The following TTC7A variants were observed in gnomAD, a reference collection of about 807,000 sequenced individuals.
The protein encoded by TTC7A is tetratricopeptide repeat protein 7A.
Under a neutral mutation model 103.7 loss-of-function variants are expected in TTC7A, and 110 were observed. That is an observed-to-expected ratio of 1.06 (90% CI 0.91 to 1.24). The LOEUF (loss-of-function observed/expected upper bound fraction) is 1.24, where lower values mean the gene tolerates loss of function less well. Ranked by LOEUF, TTC7A falls within the 50% of genes most tolerant of loss-of-function variation. The probability of loss-of-function intolerance (pLI) is 0.00; values close to 1 mark genes in which losing one functional copy is unlikely to be tolerated. For synonymous variants in TTC7A, 521 were observed against 467.9 expected (o/e 1.11, Z -1.47); for missense variants, 1,340 against 1,116.3 (o/e 1.20, Z -2.86).
chr2:46,917,777 T>C (rs1317619906), intron 2 of TTC7A, among the ~76,000 whole-genome samples: 3 of 152,206 alleles, frequency 2.0e-5, no homozygotes, highest in African/African-American at 7.2e-5. Flanking sequence ...CTTGTTTTTA[T>C]TTTACTTGCC....
chr2:47,027,590 G>C (rs528737794), intron 14 of TTC7A, among the ~76,000 whole-genome samples: 28 of 152,386 alleles, frequency 1.8e-4, no homozygotes, highest in Admixed American at 1.1e-3. Context: ...ACAAAGGTGA[G>C]TGAGCGGCAG....
chr2:46,991,107 G>T (rs959878331), intron 5 of TTC7A, among the ~76,000 whole-genome samples: 1 of 152,150 alleles, frequency 6.6e-6, no homozygotes, highest in South Asian at 2.1e-4. Context: ...GTAGAGATGG[G>T]ATTTTACCAT....
At chr2:46,957,339 A>G (rs1671964506) in intron 3 of TTC7A, among the ~76,000 whole-genome samples, 1 of 152,268 alleles carries the variant, frequency 6.6e-6, no homozygotes, top group African/African-American at 2.4e-5. Context: ...CAGGGTTACC[A>G]TGACCAAGAG....
rs199554702 is a variant in TTC7A, at chr2:47,051,851, C to T, written c.2123C>T (p.Thr708Ile). 7.4e-6 allele frequency: 12 copies of T among 1,611,704 alleles called. No individual in the cohort carries two copies. The African/African-American group carries it at 1.6e-4, about 22-fold the overall frequency. The change falls in exon 18 of 20, where the codon ACC becomes ATC. Residue 708 changes from threonine (T) to isoleucine (I), a missense_variant. By Grantham distance (89) the Thr-to-Ile change is moderately conservative. Coordinates refer to ENST00000319190, the MANE Select transcript of TTC7A (RefSeq NM_020458.4). ...VLKQGPMQLW[T>I]TLEQIWLQAA... is the part of the protein sequence containing the mutation. ...AAGCAGGGCCCCATGCAGCTGTGGA[C>T]CACGCTGGAACAGATCTGGCTGCAG...
Position 46,950,519 on chromosome 2 carries a change from G to A in TTC7A, c.341G>A (p.Arg114Lys). The change falls in exon 2 of 20, where the codon AGG becomes AAG. Residue 114 changes from arginine to lysine, a missense_variant. Transcript: ENST00000319190. ...CTAAGCAGTATCCTTAACCATGGGA[G>A]GCTCTCGGTAAGTCGTCAGCCTTCA... ...NYLSSILNHG[R>K]LSPQYMCEAM... is the part of the protein sequence containing the mutation. The A allele has an allele frequency of 6.2e-7, 1 of 1,614,114 alleles. No homozygotes were observed. Among genetic ancestry groups the A allele is most frequent in the Non-Finnish European group, 8.5e-7 (1 of 1,180,004 alleles).
intron 18 of TTC7A, among the ~76,000 whole-genome samples, chr2:47,058,282 T>C (rs574595473): frequency 2.6e-5 from 4 of 152,326 alleles, no homozygotes; most frequent in East Asian, 1.9e-4. Context: ...TCCCAAGTTC[T>C]CATCTCCACT....
chr2:47,021,697 T>C (rs1191345848), intron 11 of TTC7A, among the ~76,000 whole-genome samples, 165 bp from the exon 12 acceptor site: 2 of 152,190 alleles, frequency 1.3e-5, no homozygotes, highest in African/African-American at 4.8e-5. Context: ...AGAACAAAAT[T>C]TGGGGAGCTG....
At chr2:46,922,986 T>C (rs183184058) in intron 2 of TTC7A, among the ~76,000 whole-genome samples, 4 of 152,286 alleles carry the variant, frequency 2.6e-5, no homozygotes, top group Admixed American at 2.0e-4. Context: ...TACAGTTTAT[T>C]ACAAAGGCTA....
At chr2:47,024,139 T>A (rs1446444173) in intron 13 of TTC7A, 148 bp from the exon 14 acceptor site, 1 of 628,918 alleles carries the variant, frequency 1.6e-6, no homozygotes, top group Non-Finnish European at 2.5e-6. Flanking sequence ...ATCTGCCAGC[T>A]GGATGCCCCT....
intron 1 of TTC7A, among the ~76,000 whole-genome samples, chr2:46,942,545 G>A (rs1214807684): frequency 2.0e-5 from 3 of 152,222 alleles, no homozygotes; most frequent in Non-Finnish European, 2.9e-5. Context: ...GATCGTGATA[G>A]TAATAGTAAT....
intron 17 of TTC7A, 88 bp downstream of exon 17, chr2:47,050,134 CCCTCT>C: frequency 8.6e-7 from 1 of 1,168,928 alleles, no homozygotes; most frequent in Non-Finnish European, 1.3e-6. Flanking sequence ...AGGGGCCGGG[CCCTCT>C]CCCAGCCGGG....
chr2:46,967,161 T>C (rs1171430306), intron 3 of TTC7A, among the ~76,000 whole-genome samples: 3 of 152,032 alleles, frequency 2.0e-5, no homozygotes, highest in Non-Finnish European at 1.5e-5. Context: ...TGCCGTGAGC[T>C]GAGATTGTGC....
chr2:46,938,432 C>T (rs920446426), upstream of TTC7A, among the ~76,000 whole-genome samples: 1 of 152,098 alleles, frequency 6.6e-6, no homozygotes, highest in Non-Finnish European at 1.5e-5. Context: ...AAACCTGTGC[C>T]TCGGACCTTC....
chr2:46,937,588 A>G (rs948681648), upstream of TTC7A, among the ~76,000 whole-genome samples: 3 of 152,136 alleles, frequency 2.0e-5, no homozygotes, highest in Non-Finnish European at 4.4e-5. The surrounding 1 kb of genome is among the most constrained non-coding windows in gnomAD (Gnocchi z 4.0). Flanking sequence ...CAGAATGGAA[A>G]ACCCCCCAAT....
At chr2:47,003,052 C>A (rs1003458104) in intron 8 of TTC7A, among the ~76,000 whole-genome samples, 1 of 152,168 alleles carries the variant, frequency 6.6e-6, no homozygotes, top group Non-Finnish European at 1.5e-5. Flanking sequence ...CTAATTAACG[C>A]CCGGTTCTGA....
chr2:46,957,548 C>T (rs1671983029), intron 3 of TTC7A, among the ~76,000 whole-genome samples: 1 of 152,202 alleles, frequency 6.6e-6, no homozygotes, highest in Non-Finnish European at 1.5e-5. Context: ...ATGAACAGGT[C>T]AGAACCAGTT....
intron 1 of TTC7A, among the ~76,000 whole-genome samples, chr2:46,945,386 G>C (rs1165972718): frequency 6.6e-6 from 1 of 152,164 alleles, no homozygotes; most frequent in African/African-American, 2.4e-5. Flanking sequence ...CCAAGTAGCT[G>C]GGACTACAGG....
chr2:47,016,153 A>C (rs1678635494), intron 11 of TTC7A, among the ~76,000 whole-genome samples: 1 of 152,206 alleles, frequency 6.6e-6, no homozygotes, highest in Admixed American at 6.5e-5. Context: ...GTAGGGACCA[A>C]ATTCGAAACA....
intron 3 of TTC7A, among the ~76,000 whole-genome samples, chr2:46,957,592 G>A (rs891783451): frequency 2.0e-5 from 3 of 152,232 alleles, no homozygotes; most frequent in African/African-American, 7.2e-5. Flanking sequence ...AGGGTCAAGG[G>A]GTGCTCTGGA....
Sources: allele counts gnomAD v4.1 joint callset (sites outside exome capture counted in the v4.1 genomes callset), GRCh38; gene constraint gnomAD v4.1.1; non-coding constraint Gnocchi (gnomAD v3.1); transcripts MANE v1.5; gene names NCBI Gene and HGNC (gene_info 2026-07-23, HGNC 2026-07-21).